The following ELFN2 variants were observed in gnomAD, a reference collection of about 807,000 sequenced individuals.
The protein encoded by ELFN2 is protein phosphatase 1 regulatory subunit 29.
Under a neutral mutation model 45.5 loss-of-function variants are expected in ELFN2, and 17 were observed. The ratio of observed to expected loss-of-function variants is 0.37; its 90% confidence interval spans 0.26 to 0.56. The LOEUF is 0.56. Among genes scored for constraint, ELFN2 ranks in the 20% least tolerant of loss-of-function variants. The pLI, the probability that ELFN2 is intolerant of heterozygous loss-of-function variation, is 0.77. For synonymous variants in ELFN2, 550 were observed against 551.5 expected (o/e 1.00, Z 0.04); for missense variants, 922 against 1,183.2 (o/e 0.78, Z 3.24).
downstream of ELFN2, among the ~76,000 whole-genome samples, chr22:37,364,829 G>C (rs1931166390): frequency 6.6e-6 from 1 of 152,220 alleles, no homozygotes; most frequent in Non-Finnish European, 1.5e-5. Flanking sequence ...CTGGGCGGTG[G>C]GCCCCAGGCT....
chr22:37,390,451 C>T (rs548404423), intron 2 of ELFN2, among the ~76,000 whole-genome samples: 2 of 152,298 alleles, frequency 1.3e-5, no homozygotes, highest in Admixed American at 6.5e-5. Context: ...GTGGCCCAAA[C>T]CTTACCCAGG....
rs567544455 is a variant in ELFN2 at position 37,394,638 on chromosome 22, A to G, written c.-462-18642T>C. Among the ~76,000 whole-genome samples, 6 of 152,318 alleles carry G rather than the reference A, an allele frequency of 3.9e-5. No individual in the cohort carries two copies. The East Asian group carries it at 7.7e-4, about 20-fold the overall frequency. ...AGTAGGCAGAGCGATCCCGCAGCTT[A>G]AAGGAATGCCCCCATCGAGTGCAGA... On this transcript the variant is annotated intron_variant, in intron 2 of 2. Coordinates refer to ENST00000402918, the MANE Select transcript of ELFN2 (RefSeq NM_052906.5).
chr22:37,407,384 T>C (rs563953149), intron 2 of ELFN2, among the ~76,000 whole-genome samples: 189 of 152,306 alleles, frequency 1.2e-3, no homozygotes, highest in Admixed American at 3.2e-3. Flanking sequence ...GGCTCTGTGC[T>C]GGCACCACAG....
intron 2 of ELFN2, among the ~76,000 whole-genome samples, chr22:37,413,300 C>A (rs1369054374): frequency 6.6e-6 from 1 of 151,992 alleles, no homozygotes; most frequent in Non-Finnish European, 1.5e-5. Context: ...ATCAAAGTCT[C>A]AAATCCCTCT....
chr22:37,373,310 G>A lies in ELFN2; in HGVS notation c.2225C>T (p.Thr742Ile), dbSNP rs755029989. ...GTGTCTGGGGGAGAGCTGCGAGTAG[G>A]TGGAGTCACGCTTGGAGCGGGTCAG... ...KPLTRSKRDSTYSQLSPRHYY... is the reference protein window; with the variant it reads ...KPLTRSKRDSIYSQLSPRHYY... The change falls in exon 3 of 3, where the codon ACC becomes ATC. Residue 742 changes from threonine (T) to isoleucine (I), a missense_variant. Coordinates refer to ENST00000402918, the MANE Select transcript of ELFN2 (RefSeq NM_052906.5). 1.9e-6 allele frequency: 3 copies of A among 1,613,762 alleles called. No homozygotes were observed. The highest frequency in any genetic ancestry group is 2.2e-5 in the South Asian group (2 of 91,088).
chr22:37,397,529 C>T (rs191991640), intron 2 of ELFN2, among the ~76,000 whole-genome samples: 8 of 152,292 alleles, frequency 5.3e-5, no homozygotes, highest in East Asian at 1.9e-4. Flanking sequence ...TCTGGTCAGA[C>T]GGGTGCAGAG....
At chr22:37,343,287 C>A (rs80318293) in intron 1 of ELFN2, among the ~76,000 whole-genome samples, 2,481 of 152,258 alleles carry the variant, frequency 0.016, 73 homozygotes, top group African/African-American at 0.057. Flanking sequence ...AGGTCCGCTC[C>A]TCCCTGCTCC....
chr22:37,379,204 T>C (rs1931676673), intron 2 of ELFN2, among the ~76,000 whole-genome samples: 1 of 151,898 alleles, frequency 6.6e-6, no homozygotes, highest in South Asian at 2.1e-4. Context: ...ATCTAGATGA[T>C]AGATGGGGGG....
intron 1 of ELFN2, among the ~76,000 whole-genome samples, chr22:37,425,290 T>G (rs1428835727): frequency 1.3e-5 from 2 of 152,138 alleles, no homozygotes; most frequent in African/African-American, 4.8e-5. Context: ...CAGCAGCCAA[T>G]GGTGCTGATG....
At chr22:37,425,997 G>C in intron 1 of ELFN2, among the ~76,000 whole-genome samples, 1 of 151,736 alleles carries the variant, frequency 6.6e-6, no homozygotes, top group East Asian at 1.9e-4. Flanking sequence ...ATTCCTCCAG[G>C]TGCTGCCAGC....
chr22:37,408,828 A>G (rs1240027280), intron 2 of ELFN2, among the ~76,000 whole-genome samples: 1 of 152,016 alleles, frequency 6.6e-6, no homozygotes, highest in Non-Finnish European at 1.5e-5. Flanking sequence ...GACAGTATCT[A>G]TTTTGCTGGG....
At position 37,373,096 on chromosome 22, in the gene ELFN2, C is replaced by T. The variant is rs753211802; in HGVS notation, c.2439G>A (p.Gly813=). 5.6e-6 allele frequency: 9 copies of T among 1,602,840 alleles called. No homozygotes were observed. The highest frequency in any genetic ancestry group is 2.2e-5 in the South Asian group (2 of 90,510). Reference sequence around the variant, plus strand: ...GTCACAGCTTCTGCTGGGCGGAGACCCCCTTCCAGTAATCAAGGATGTCAT... The same window carrying T: ...GTCACAGCTTCTGCTGGGCGGAGACTCCCTTCCAGTAATCAAGGATGTCAT... ...DLHDILDYWK[G]VSAQQKL Residue 813 remains glycine (G), a synonymous_variant, in exon 3 of 3, where the codon GGG becomes GGA. Transcript: ENST00000402918.
intron 2 of ELFN2, among the ~76,000 whole-genome samples, chr22:37,400,956 T>G (rs185607543): frequency 7.9e-4 from 120 of 152,340 alleles, no homozygotes; most frequent in Middle Eastern, 3.4e-3. Flanking sequence ...TTCATACCGA[T>G]TCTCAAGTCC....
At chr22:37,387,607 T>A (rs1432776607) in intron 2 of ELFN2, among the ~76,000 whole-genome samples, 1 of 152,110 alleles carries the variant, frequency 6.6e-6, no homozygotes, top group African/African-American at 2.4e-5. Flanking sequence ...CATGTCGCCT[T>A]CTGAAATCTC....
chr22:37,421,907 GTC>G (rs1601774270), intron 1 of ELFN2, among the ~76,000 whole-genome samples: 1 of 152,202 alleles, frequency 6.6e-6, no homozygotes, highest in East Asian at 1.9e-4. Flanking sequence ...CACAGCCTCT[GTC>G]TCTCCAAGAT....
chr22:37,393,236 C>G (rs1932128000), intron 2 of ELFN2, among the ~76,000 whole-genome samples: 2 of 152,338 alleles, frequency 1.3e-5, no homozygotes, highest in South Asian at 4.1e-4. Context: ...CATCCTTTGT[C>G]CTTTCTCTGC....
intron 2 of ELFN2, among the ~76,000 whole-genome samples, chr22:37,393,489 C>G (rs1358923972): frequency 6.6e-6 from 1 of 152,200 alleles, no homozygotes; most frequent in African/African-American, 2.4e-5. Context: ...ACTGACACCC[C>G]CCACCAGTTG....
At chr22:37,346,265 C>T (rs570448885) in intron 1 of ELFN2, among the ~76,000 whole-genome samples, 142 of 152,344 alleles carry the variant, frequency 9.3e-4, no homozygotes, top group Admixed American at 1.7e-3. Context: ...CCCCAAGCCT[C>T]CCAGACCAGG....
chr22:37,385,527 G>A (rs770880217), intron 2 of ELFN2, among the ~76,000 whole-genome samples: 6 of 152,220 alleles, frequency 3.9e-5, no homozygotes, highest in Non-Finnish European at 7.3e-5. Context: ...CTGCGTCCCC[G>A]GAGGCACAGC....
Sources: gnomAD v4.1 joint callset for allele counts (sites outside exome capture counted in the v4.1 genomes callset) on GRCh38, gnomAD v4.1.1 for gene constraint, MANE v1.5 for transcripts, NCBI Gene and HGNC (gene_info 2026-07-23, HGNC 2026-07-21) for gene names.